Variants in CADM2 observed in about 807,000 individuals in gnomAD.
The protein encoded by CADM2 is immunoglobulin superfamily member 4D.
Under a neutral mutation model 49.8 loss-of-function variants are expected in CADM2, and 12 were observed. That is an observed-to-expected ratio of 0.24 (90% CI 0.15 to 0.39). The LOEUF is 0.39. Among genes scored for constraint, CADM2 ranks in the 10% least tolerant of loss-of-function variants. The pLI is 1.00. For synonymous variants in CADM2, 214 were observed against 175.4 expected (o/e 1.22, Z -1.74); for missense variants, 378 against 492.3 (o/e 0.77, Z 2.20).
At chr3:85,676,124 G>T (rs1249177052) in intron 1 of CADM2, among the ~76,000 whole-genome samples, 1 of 152,170 alleles carries the variant, frequency 6.6e-6, no homozygotes, top group Non-Finnish European at 1.5e-5. Flanking sequence ...GATTCCCATT[G>T]ATAGGGTCTG....
intron 1 of CADM2, among the ~76,000 whole-genome samples, chr3:85,417,432 T>A (rs2035965999): frequency 6.6e-6 from 1 of 152,112 alleles, no homozygotes; most frequent in East Asian, 1.9e-4. Context: ...TTCTTTGGGA[T>A]TTTCAGTTGT....
intron 1 of CADM2, among the ~76,000 whole-genome samples, chr3:85,688,829 A>G (rs945639091): frequency 7.9e-5 from 12 of 152,156 alleles, no homozygotes; most frequent in African/African-American, 2.4e-4. Flanking sequence ...CAGCCTCCCA[A>G]TGTGCCAGGA....
chr3:85,501,331 C>A (rs1346760734), intron 1 of CADM2, among the ~76,000 whole-genome samples: 1 of 152,102 alleles, frequency 6.6e-6, no homozygotes, highest in Non-Finnish European at 1.5e-5. Context: ...GACACTTAAG[C>A]CTTAGATTTT....
intron 1 of CADM2, among the ~76,000 whole-genome samples, chr3:85,202,135 G>A (rs564454744): frequency 6.9e-6 from 1 of 145,402 alleles, no homozygotes; most frequent in Non-Finnish European, 1.5e-5. Context: ...ATCATGATAA[G>A]TTGCAGCAAT....
chr3:85,360,845 G>A (rs1338319662), intron 1 of CADM2, among the ~76,000 whole-genome samples: 2 of 152,048 alleles, frequency 1.3e-5, no homozygotes, highest in African/African-American at 4.8e-5. Flanking sequence ...TGTATCTATT[G>A]TAGGTCTCAC....
chr3:85,990,042 A>AAAAAAAAAAAAAAAAAAAAACAAAAAG (rs1436572625), intron 8 of CADM2, among the ~76,000 whole-genome samples: 1 of 108,002 alleles, frequency 9.3e-6, no homozygotes, highest in Non-Finnish European at 2.0e-5. Context: ...AAAAAAAAAA[A>AAAAAAAAAAAAAAAAAAAAACAAAAAG]AAGAAGACTA....
At chr3:85,679,315 A>C (rs1577071396) in intron 1 of CADM2, among the ~76,000 whole-genome samples, 1 of 152,202 alleles carries the variant, frequency 6.6e-6, no homozygotes, top group Non-Finnish European at 1.5e-5. Flanking sequence ...AGGGGGAAAA[A>C]ACATCACACA....
intron 1 of CADM2, among the ~76,000 whole-genome samples, chr3:85,110,632 A>C (rs1459188182): frequency 6.6e-6 from 1 of 151,902 alleles, no homozygotes; most frequent in Admixed American, 6.6e-5. Flanking sequence ...CAAAATAAAG[A>C]TATATTTAAG....
At chr3:85,160,794 C>A (rs1474439121) in intron 1 of CADM2, among the ~76,000 whole-genome samples, 1 of 152,108 alleles carries the variant, frequency 6.6e-6, no homozygotes. Context: ...AACTATATAA[C>A]CAACAAAGGA....
Position 85,509,491 on chromosome 3 carries a change from G to C in CADM2, c.62-217031G>C, listed in dbSNP as rs1162871224. 2.0e-5 allele frequency among the ~76,000 whole-genome samples: 3 copies of C among 152,044 alleles called. No homozygotes were observed. The South Asian group carries it at 6.2e-4, about 32-fold the overall frequency. ...CCAGTGACTGCATTTCAGAAAAATA[G>C]GTATACACACAATTAAATGACATGT... On this transcript the variant is annotated intron_variant, in intron 1 of 9. Coordinates refer to ENST00000383699, the MANE Select transcript of CADM2 (RefSeq NM_001167675.2).
chr3:86,020,897 A>C (rs923114195), intron 8 of CADM2, among the ~76,000 whole-genome samples: 3 of 152,108 alleles, frequency 2.0e-5, no homozygotes, highest in Non-Finnish European at 2.9e-5. Flanking sequence ...AATGGGCAAA[A>C]ACTGGAAGCA....
intron 1 of CADM2, among the ~76,000 whole-genome samples, chr3:85,572,158 A>C (rs1038766132): frequency 6.6e-6 from 1 of 152,104 alleles, no homozygotes; most frequent in Non-Finnish European, 1.5e-5. Flanking sequence ...TTAGCCGGGC[A>C]TGGTGGCGGA....
intron 1 of CADM2, among the ~76,000 whole-genome samples, chr3:85,300,463 G>T (rs957799022): frequency 4.6e-5 from 7 of 151,928 alleles, no homozygotes; most frequent in African/African-American, 1.7e-4. Flanking sequence ...CTTAGCAGTT[G>T]CTATTTATTT....
chr3:85,807,289 A>G (rs2072495768), intron 3 of CADM2, among the ~76,000 whole-genome samples: 1 of 152,148 alleles, frequency 6.6e-6, no homozygotes, highest in Non-Finnish European at 1.5e-5. Flanking sequence ...ACCTGAGGTC[A>G]GGAGTTTGAG....
chr3:86,045,672 T>C (rs1736581691), intron 8 of CADM2, among the ~76,000 whole-genome samples: 1 of 152,146 alleles, frequency 6.6e-6, no homozygotes, highest in Admixed American at 6.6e-5. Context: ...GTGAAATTCT[T>C]TTCTCCATGT....
chr3:85,147,119 A>G (rs935604526), intron 1 of CADM2, among the ~76,000 whole-genome samples: 2 of 151,722 alleles, frequency 1.3e-5, no homozygotes, highest in African/African-American at 2.4e-5. Flanking sequence ...CTAAAAATAC[A>G]AGAAAATTAG....
At chr3:85,201,584 A>G (rs1412660037) in intron 1 of CADM2, among the ~76,000 whole-genome samples, 1 of 152,290 alleles carries the variant, frequency 6.6e-6, no homozygotes, top group East Asian at 1.9e-4. Flanking sequence ...ATTTCTTTGC[A>G]GTATGTGATG....
intron 8 of CADM2, among the ~76,000 whole-genome samples, chr3:85,973,612 T>C (rs2108648310): frequency 6.6e-6 from 1 of 151,800 alleles, no homozygotes; most frequent in East Asian, 1.9e-4. Flanking sequence ...CTGCATACTT[T>C]ATTATTAAAA....
At chr3:85,288,600 C>A (rs968070878) in intron 1 of CADM2, among the ~76,000 whole-genome samples, 19 of 151,978 alleles carry the variant, frequency 1.3e-4, no homozygotes, top group Admixed American at 1.2e-3. Context: ...AGGCATATTT[C>A]AAATAATTGC....
Sources: allele counts gnomAD v4.1 joint callset (sites outside exome capture counted in the v4.1 genomes callset), GRCh38; gene constraint gnomAD v4.1.1; transcripts MANE v1.5; gene names NCBI Gene and HGNC (gene_info 2026-07-23, HGNC 2026-07-21).